The following DOCK7 variants were observed in gnomAD, a reference collection of about 807,000 sequenced individuals.
The protein encoded by DOCK7 is dedicator of cytokinesis 7, also known as dedicator of cytokinesis protein 7.
A neutral mutation model predicts 271.0 loss-of-function variants in DOCK7; 138 were observed. The ratio of observed to expected loss-of-function variants is 0.51; its 90% CI spans 0.44 to 0.59. DOCK7 has a LOEUF of 0.59. Among genes scored for constraint, DOCK7 ranks in the 20% least tolerant of loss-of-function variants. The pLI is 0.00. For synonymous variants in DOCK7, 823 were observed against 876.1 expected (o/e 0.94, Z 1.07); for missense variants, 2,066 against 2,592.4 (o/e 0.80, Z 4.41).
At chr1:62,599,392 T>A (rs1046628761) in intron 14 of DOCK7, among the ~76,000 whole-genome samples, 1 of 151,916 alleles carries the variant, frequency 6.6e-6, no homozygotes, top group African/African-American at 2.4e-5. Flanking sequence ...TCCCTTAGGG[T>A]CGTTATCAAA....
intron 43 of DOCK7, chr1:62,484,239 A>C (rs1462084162): frequency 6.6e-6 from 1 of 152,094 alleles, no homozygotes; most frequent in African/African-American, 2.4e-5. Context: ...TGTCAATCTC[A>C]AAAGTTAGGG....
chr1:62,493,094 A>G (rs1646511248), intron 40 of DOCK7, among the ~76,000 whole-genome samples: 1 of 152,174 alleles, frequency 6.6e-6, no homozygotes, highest in Admixed American at 6.5e-5. Context: ...AAGAAAAATC[A>G]TGGGCTAAAG....
chr1:62,593,876 A>AC (rs2149516658), intron 14 of DOCK7, among the ~76,000 whole-genome samples: 1 of 152,278 alleles, frequency 6.6e-6, no homozygotes, highest in East Asian at 1.9e-4. Context: ...AAAAGGAAAA[A>AC]ATTAGAGATA....
At chr1:62,544,669 T>G (rs1645642966) in intron 23 of DOCK7, among the ~76,000 whole-genome samples, 1 of 152,130 alleles carries the variant, frequency 6.6e-6, no homozygotes, top group African/African-American at 2.4e-5. Context: ...AAGAAACTGT[T>G]ATAAAAGCCA....
At chr1:62,601,197 G>A (rs1329367068) in intron 14 of DOCK7, 1 of 1,576,768 alleles carries the variant, frequency 6.3e-7, no homozygotes, top group South Asian at 1.1e-5. Context: ...AAACATGATG[G>A]TAAGACACTT....
rs142228910 is a variant in DOCK7, at chr1:62,546,237, T to C, written c.2767-1198A>G. On this transcript the variant is annotated intron_variant, in intron 22 of 49. Coordinates refer to ENST00000635253, the MANE Select transcript of DOCK7 (RefSeq NM_001367561.1). ...TAAAACAATTAAATCAGAATTGCTG[T>C]GAGTGCGGCCCAGACATCAGTATTT... Among the ~76,000 whole-genome samples the C allele has an allele frequency of 9.2e-3, 1,407 of 152,238 alleles. 13 individuals carry two copies. The highest frequency in any genetic ancestry group is 0.017 in the Middle Eastern group (5 of 292).
intron 14 of DOCK7, among the ~76,000 whole-genome samples, chr1:62,615,519 G>C (rs1051378575): frequency 1.3e-5 from 2 of 151,772 alleles, no homozygotes; most frequent in Middle Eastern, 3.4e-3. Flanking sequence ...ATATAAGGAG[G>C]AATAAGGTTA....
chr1:62,487,958 A>G (rs2149283855), intron 42 of DOCK7: 1 of 152,482 alleles, frequency 6.6e-6, no homozygotes, highest in Non-Finnish European at 1.5e-5. Context: ...CAACTTTAAC[A>G]TTTTAATAGA....
At chr1:62,622,888 C>T (rs1277394562) in intron 12 of DOCK7, among the ~76,000 whole-genome samples, 2 of 152,114 alleles carry the variant, frequency 1.3e-5, no homozygotes, top group East Asian at 3.9e-4. Flanking sequence ...CGAGACTGTG[C>T]CACTGCACTC....
At chr1:62,605,508 T>C (rs1650857871) in intron 14 of DOCK7, 1 of 152,526 alleles carries the variant, frequency 6.6e-6, no homozygotes, top group Non-Finnish European at 1.5e-5. Flanking sequence ...CTATACCTTA[T>C]TTGTTAAAAT....
At chr1:62,469,379 T>A (rs968488375) in intron 48 of DOCK7, among the ~76,000 whole-genome samples, 2 of 152,158 alleles carry the variant, frequency 1.3e-5, no homozygotes, top group African/African-American at 4.8e-5. Flanking sequence ...TACAGGAGAA[T>A]GAAACTGGAT....
intron 1 of DOCK7, among the ~76,000 whole-genome samples, chr1:62,681,733 G>T (rs1269537740): frequency 1.3e-5 from 2 of 151,988 alleles, no homozygotes; most frequent in African/African-American, 4.8e-5. Flanking sequence ...AGAATGGATT[G>T]ATTGTGGTAT....
At chr1:62,514,758 TTATTATTATTAGTTTAC>T (rs1644609430) in intron 31 of DOCK7, among the ~76,000 whole-genome samples, 2 of 152,106 alleles carry the variant, frequency 1.3e-5, no homozygotes, top group Non-Finnish European at 2.9e-5. Flanking sequence ...ACATTAACTA[TTATTATTATTAGTTTAC>T]AGGCAAGAAA....
rs376307309 is a variant in DOCK7, at chr1:62,560,583, T to C, written c.2199+1034A>G. ...CTGGACTCTATGGCATTCAAGGTCC[T>C]TCACAATCTATTACCAGCCTTCTAT... On this transcript the variant is annotated intron_variant, in intron 19 of 49. Transcript: ENST00000635253. Among the ~76,000 whole-genome samples the C allele has an allele frequency of 3.9e-4, 59 of 152,246 alleles. 1 individual carries two copies. The South Asian group carries it at 0.012, about 31-fold the overall frequency.
intron 6 of DOCK7, 33 bp downstream of exon 6, chr1:62,648,073 A>C (rs769043428): frequency 1.3e-6 from 2 of 1,579,392 alleles, no homozygotes. Context: ...AATTTTAATA[A>C]TCATTTGCTT....
chr1:62,668,924 CAA>C (rs11308465), intron 1 of DOCK7, among the ~76,000 whole-genome samples: 1,261 of 113,256 alleles, frequency 0.011, 5 homozygotes, highest in African/African-American at 0.026. Context: ...GACCTTGCCT[CAA>C]AAAAAAAAAA....
intron 4 of DOCK7, among the ~76,000 whole-genome samples, chr1:62,650,815 G>A (rs906931201): frequency 1.3e-5 from 2 of 152,068 alleles, no homozygotes; most frequent in African/African-American, 4.8e-5. Context: ...GAGAGGATGT[G>A]GAGAAACAGG....
intron 15 of DOCK7, among the ~76,000 whole-genome samples, chr1:62,586,216 C>T (rs1486768696): frequency 2.0e-5 from 3 of 152,080 alleles, no homozygotes; most frequent in Non-Finnish European, 4.4e-5. Flanking sequence ...GGTGATCTAA[C>T]CCTCTTTTGA....
intron 31 of DOCK7, among the ~76,000 whole-genome samples, chr1:62,526,133 G>A (rs557072268): frequency 2.0e-5 from 3 of 152,028 alleles, no homozygotes; most frequent in Non-Finnish European, 4.4e-5. Flanking sequence ...TAGAAACAGA[G>A]TTTTGTCATG....
Sources: allele counts gnomAD v4.1 joint callset (sites outside exome capture counted in the v4.1 genomes callset), GRCh38; gene constraint gnomAD v4.1.1; transcripts MANE v1.5; gene names NCBI Gene and HGNC (gene_info 2026-07-23, HGNC 2026-07-21).